Variants in NRG3 observed in about 807,000 individuals in gnomAD.
NRG3 encodes pro-neuregulin-3, membrane-bound isoform.
NRG3 carries 31 observed loss-of-function variants against 66.9 expected under a neutral mutation model. The observed-to-expected ratio is 0.46, with a 90% confidence interval of 0.35 to 0.63. The LOEUF is 0.63. NRG3 is among the 20% of genes least tolerant of loss of function. The pLI is 0.00. For missense variants in NRG3, 910 were observed against 878.9 expected (o/e 1.04, Z -0.45); for synonymous variants, 393 against 359.4 (o/e 1.09, Z -1.06).
intron 1 of NRG3, among the ~76,000 whole-genome samples, chr10:82,142,105 T>C (rs557835234): frequency 6.6e-6 from 1 of 152,320 alleles, no homozygotes; most frequent in Non-Finnish European, 1.5e-5. Flanking sequence ...CAAGCTTTCC[T>C]GGTAGCTCTT....
chr10:82,318,306 T>C (rs538473699), intron 1 of NRG3, among the ~76,000 whole-genome samples: 2 of 152,086 alleles, frequency 1.3e-5, no homozygotes, highest in Non-Finnish European at 2.9e-5. Context: ...ACCCTTCCCA[T>C]TGGCTTAATG....
intron 2 of NRG3, among the ~76,000 whole-genome samples, chr10:82,429,268 G>A (rs1937982): frequency 0.23 from 34,291 of 151,806 alleles, 5,863 homozygotes; most frequent in African/African-American, 0.48. Flanking sequence ...TATATTATCT[G>A]TTATATTTAC....
intron 1 of NRG3, among the ~76,000 whole-genome samples, chr10:81,983,981 AG>A (rs1169552581): frequency 6.6e-6 from 1 of 152,026 alleles, no homozygotes; most frequent in African/African-American, 2.4e-5. Flanking sequence ...TAAATAAAGA[AG>A]GTTCAAAGAA....
chr10:82,324,648 T>C (rs551850268), intron 1 of NRG3, among the ~76,000 whole-genome samples: 1 of 152,352 alleles, frequency 6.6e-6, no homozygotes, highest in Non-Finnish European at 1.5e-5. Flanking sequence ...ACTTTCTAAT[T>C]ACTTTTATAT....
At chr10:82,085,667 A>G (rs2065678546) in intron 1 of NRG3, among the ~76,000 whole-genome samples, 1 of 151,590 alleles carries the variant, frequency 6.6e-6, no homozygotes. Flanking sequence ...ATGGAGTTTC[A>G]TTCTTGTTGC....
At chr10:82,279,689 G>T (rs971803236) in intron 1 of NRG3, among the ~76,000 whole-genome samples, 1 of 152,190 alleles carries the variant, frequency 6.6e-6, no homozygotes, top group Non-Finnish European at 1.5e-5. Context: ...GATTTCTCAT[G>T]AAGTTGTTTG....
At chr10:82,029,627 G>A (rs960238779) in intron 1 of NRG3, among the ~76,000 whole-genome samples, 9 of 152,008 alleles carry the variant, frequency 5.9e-5, no homozygotes, top group African/African-American at 9.7e-5. Flanking sequence ...AAACAAGTTC[G>A]TCTTCCAGCA....
At chr10:82,898,510 C>T (rs1429192947) in intron 4 of NRG3, among the ~76,000 whole-genome samples, 2 of 152,114 alleles carry the variant, frequency 1.3e-5, no homozygotes, top group Admixed American at 1.3e-4. Flanking sequence ...TGGTGTGCCA[C>T]AGTCCATACC....
intron 2 of NRG3, among the ~76,000 whole-genome samples, chr10:82,510,576 C>T (rs1845077741): frequency 6.6e-6 from 1 of 152,172 alleles, no homozygotes; most frequent in African/African-American, 2.4e-5. Flanking sequence ...AAAGAACCAT[C>T]AAGAAATGCT....
intron 2 of NRG3, among the ~76,000 whole-genome samples, chr10:82,628,010 A>T (rs1414073981): frequency 6.6e-6 from 1 of 152,198 alleles, no homozygotes; most frequent in Non-Finnish European, 1.5e-5. Context: ...ACAGGTAAGG[A>T]AACAAAGACG....
intron 2 of NRG3, among the ~76,000 whole-genome samples, chr10:82,416,094 A>G (rs751890462): frequency 3.3e-5 from 5 of 152,208 alleles, no homozygotes; most frequent in Non-Finnish European, 4.4e-5. Flanking sequence ...TTCAAAGTAT[A>G]CCACATCAGC....
intron 2 of NRG3, among the ~76,000 whole-genome samples, chr10:82,457,269 G>A (rs2091308305): frequency 2.0e-5 from 3 of 152,136 alleles, no homozygotes; most frequent in Admixed American, 2.0e-4. Context: ...TCCACAGACA[G>A]GTGGTAGGGG....
At chr10:82,772,893 C>T (rs1484709720) in intron 3 of NRG3, among the ~76,000 whole-genome samples, 1 of 151,708 alleles carries the variant, frequency 6.6e-6, no homozygotes. Context: ...TTTGTAGAGA[C>T]AAGATCTCCC....
At chr10:82,590,283 G>A (rs1360156847) in intron 2 of NRG3, among the ~76,000 whole-genome samples, 1 of 152,114 alleles carries the variant, frequency 6.6e-6, no homozygotes, top group East Asian at 1.9e-4. Context: ...ATCTTGAATA[G>A]GCATGTTTGT....
chr10:82,880,936 C>T lies in NRG3; in HGVS notation c.1054+15499C>T, dbSNP rs183784352. Among the ~76,000 whole-genome samples the T allele has an allele frequency of 1.6e-3, 244 of 152,312 alleles. 1 individual carries two copies. Among genetic ancestry groups the T allele is most frequent in the African/African-American group, 5.6e-3 (231 of 41,570 alleles). On this transcript the variant is annotated intron_variant, in intron 4 of 8. Coordinates refer to ENST00000372141, the MANE Select transcript of NRG3 (RefSeq NM_001010848.4). The stretch of plus-strand genomic sequence containing the variant: ...CCCAGTGACCCACTTCTATCTCACA[C>T]TCCAGTTCCCAGGAAGGCTGAATTA...
chr10:82,134,663 C>A (rs1278063119), intron 1 of NRG3, among the ~76,000 whole-genome samples: 1 of 151,756 alleles, frequency 6.6e-6, no homozygotes, highest in African/African-American at 2.4e-5. Context: ...TTATTGTAGC[C>A]CTGTAGTATA....
At chr10:82,429,176 C>A (rs1382483522) in intron 2 of NRG3, among the ~76,000 whole-genome samples, 1 of 151,958 alleles carries the variant, frequency 6.6e-6, no homozygotes, top group Non-Finnish European at 1.5e-5. Flanking sequence ...ATAAGTCAAT[C>A]AACACAGTTT....
intron 1 of NRG3, among the ~76,000 whole-genome samples, chr10:81,947,144 C>A (rs1402253869): frequency 6.6e-6 from 1 of 152,088 alleles, no homozygotes; most frequent in Non-Finnish European, 1.5e-5. Context: ...CTTGTGGTAG[C>A]ATAATTCCAG....
chr10:82,885,929 G>A (rs1842683821), intron 4 of NRG3, among the ~76,000 whole-genome samples: 1 of 151,854 alleles, frequency 6.6e-6, no homozygotes, highest in Non-Finnish European at 1.5e-5. Flanking sequence ...TGGAGTGCAA[G>A]GGTCCGATCT....
Sources: gnomAD v4.1 joint callset for allele counts (sites outside exome capture counted in the v4.1 genomes callset) on GRCh38, gnomAD v4.1.1 for gene constraint, MANE v1.5 for transcripts, NCBI Gene and HGNC (gene_info 2026-07-23, HGNC 2026-07-21) for gene names.